The following STK32C variants were observed in gnomAD, a reference collection of about 807,000 sequenced individuals.
The protein encoded by STK32C is serine/threonine-protein kinase 32C.
Under a neutral mutation model 56.5 loss-of-function variants are expected in STK32C, and 31 were observed. That is an observed-to-expected ratio of 0.55 (90% CI 0.41 to 0.74). The LOEUF (loss-of-function observed/expected upper bound fraction) is 0.74, where lower values mean the gene tolerates loss of function less well. Ranked by LOEUF, STK32C falls within the 30% of genes least tolerant of loss-of-function variation. STK32C has a pLI of 0.00. For synonymous variants in STK32C, 309 were observed against 289.4 expected (o/e 1.07, Z -0.69); for missense variants, 544 against 676.9 (o/e 0.80, Z 2.18).
chr10:132,240,825 G>A (rs935718405), intron 2 of STK32C, among the ~76,000 whole-genome samples: 1 of 152,054 alleles, frequency 6.6e-6, no homozygotes, highest in Admixed American at 6.5e-5. Flanking sequence ...GGGCGGGGCT[G>A]CACCCAACTG....
At chr10:132,280,679 C>G (rs576707851) in intron 1 of STK32C, among the ~76,000 whole-genome samples, 1 of 90,092 alleles carries the variant, frequency 1.1e-5, no homozygotes, top group Non-Finnish European at 2.9e-5. Context: ...TCCGTGATCA[C>G]GCACCTCCAC....
Position 132,222,786 on chromosome 10 carries a change from G to A in STK32C, c.1120-14C>T, listed in dbSNP as rs1441195381. The A allele has an allele frequency of 1.3e-6, 2 of 1,596,168 alleles. No homozygotes were observed. The highest frequency in any genetic ancestry group is 3.5e-5 in the Admixed American group (2 of 57,336). ...CAGACGGCCTTTCTACAGAGGGATG[G>A]GTGCTGAGCCCCGGCCCGTGGAGGA... On this transcript the variant is annotated splice_polypyrimidine_tract_variant and intron_variant, in intron 9 of 11. Coordinates refer to ENST00000298630, the MANE Select transcript of STK32C (RefSeq NM_173575.4).
chr10:132,264,653 T>G (rs1184282135), intron 1 of STK32C, among the ~76,000 whole-genome samples: 1 of 152,142 alleles, frequency 6.6e-6, no homozygotes, highest in African/African-American at 2.4e-5. Flanking sequence ...GGGGCATGGA[T>G]GCAGGGAGGG....
intron 1 of STK32C, chr10:132,330,628 C>T (rs918272793): frequency 3.1e-5 from 21 of 675,568 alleles, no homozygotes; most frequent in South Asian, 2.3e-4. Context: ...TTGCCTCACC[C>T]TCCCACACAG....
At chr10:132,229,795 C>A (rs564270395) in intron 2 of STK32C, among the ~76,000 whole-genome samples, 29 of 152,360 alleles carry the variant, frequency 1.9e-4, no homozygotes, top group African/African-American at 6.5e-4. Context: ...GTGCACAGAG[C>A]ACCGGGCTGG....
At chr10:132,233,278 G>C (rs1187178804) in intron 2 of STK32C, among the ~76,000 whole-genome samples, 1 of 152,100 alleles carries the variant, frequency 6.6e-6, no homozygotes, top group African/African-American at 2.4e-5. Context: ...AGGCAGAACC[G>C]GGCTCCCGTG....
intron 1 of STK32C, among the ~76,000 whole-genome samples, chr10:132,277,347 C>T (rs984103869): frequency 2.0e-5 from 3 of 152,266 alleles, no homozygotes; most frequent in African/African-American, 7.2e-5. Flanking sequence ...TCCAGCCCAC[C>T]ATTCCTGTGC....
At position 132,226,692 on chromosome 10, in the gene STK32C, AC is replaced by A. The variant is rs1464700937; in HGVS notation, c.644+102del. 3 of 1,396,926 alleles carry A rather than the reference AC, an allele frequency of 2.1e-6. No individual in the cohort carries two copies. In the African/African-American group the frequency reaches 4.2e-5, roughly 20 times the overall value. 86.5% of individuals were successfully genotyped at this position (1,396,926 alleles called of 1,614,324 possible). On this transcript the variant is annotated intron_variant, in intron 4 of 11. Coordinates refer to ENST00000298630, the MANE Select transcript of STK32C (RefSeq NM_173575.4). ...GGCAAGGGTGGGGCAGAGGAGCTAGACCCGCTCTGAGGGAGTACGGCCGCCG... is the reference window on the plus strand; with the variant it reads ...GGCAAGGGTGGGGCAGAGGAGCTAGACCGCTCTGAGGGAGTACGGCCGCCG...
In STK32C at chr10:132,225,578, T is replaced by C; in HGVS notation, c.721A>G (p.Ile241Val). Residue 241 changes from isoleucine to valine, a missense_variant, in exon 6 of 12, where the codon ATC becomes GTC. Coordinates refer to ENST00000298630, the MANE Select transcript of STK32C (RefSeq NM_173575.4). Reference sequence around the variant, plus strand: ...GCCGTCGCCCGCTCCCCGTCCTTGATGATGGTGGCAATGTTGAAGTCGGTC... The same window carrying C: ...GCCGTCGCCCGCTCCCCGTCCTTGACGATGGTGGCAATGTTGAAGTCGGTC... ...HLTDFNIATI[I>V]KDGERATALA... The C allele has an allele frequency of 6.2e-7, 1 of 1,613,868 alleles. No homozygotes were observed. The highest frequency in any genetic ancestry group is 8.5e-7 in the Non-Finnish European group (1 of 1,179,942).
intron 1 of STK32C, among the ~76,000 whole-genome samples, chr10:132,250,622 T>G (rs1175492823): frequency 1.4e-5 from 2 of 146,700 alleles, no homozygotes; most frequent in Admixed American, 1.3e-4. Context: ...CCGAGGCAGG[T>G]GGGTGTGAGG....
In STK32C at chr10:132,324,335, C is replaced by G. The variant is rs1264901231; in HGVS notation, c.340G>C (p.Gly114Arg). ...TCTTTCCACACCATTCCACATCTTC[C>G]TGGCAAAATCCCAGTCCTGGGGTGT... Residue 114 changes from glycine (G) to arginine (R), a missense_variant, in exon 2 of 2, where the codon GGA (glycine) becomes CGA (arginine). Physicochemically the swap from Gly to Arg is moderately radical, Grantham distance 125. Transcript: ENST00000368619. 3.8e-6 allele frequency: 3 copies of G among 779,594 alleles called. No homozygotes were observed. The South Asian group carries it at 4.0e-5, about 10-fold the overall frequency. The allele number at this position is 779,594 out of a possible 1,614,324, so 48.3% of individuals were successfully genotyped here.
intron 8 of STK32C, among the ~76,000 whole-genome samples, chr10:132,223,918 C>T (rs1403427636): frequency 6.6e-6 from 1 of 152,182 alleles, no homozygotes; most frequent in Non-Finnish European, 1.5e-5. Flanking sequence ...ATGGCCACAC[C>T]CCTGCCCGTG....
At chr10:132,275,739 C>G (rs2064977057) in intron 1 of STK32C, among the ~76,000 whole-genome samples, 1 of 152,190 alleles carries the variant, frequency 6.6e-6, no homozygotes, top group Non-Finnish European at 1.5e-5. Flanking sequence ...GCTCCAGGGT[C>G]TGCCTTCCTG....
intron 2 of STK32C, among the ~76,000 whole-genome samples, chr10:132,243,965 G>A (rs2063596543): frequency 6.6e-6 from 1 of 152,186 alleles, no homozygotes; most frequent in South Asian, 2.1e-4. Flanking sequence ...GGGGTGGCTG[G>A]GGCCCCTGCT....
chr10:132,286,384 A>G (rs977308550), intron 1 of STK32C, among the ~76,000 whole-genome samples: 1 of 152,196 alleles, frequency 6.6e-6, no homozygotes, highest in Non-Finnish European at 1.5e-5. Flanking sequence ...ACCTTACACA[A>G]ACTTTTCCAG....
At chr10:132,274,493 T>C in intron 1 of STK32C, among the ~76,000 whole-genome samples, 1 of 152,206 alleles carries the variant, frequency 6.6e-6, no homozygotes, top group East Asian at 1.9e-4. Context: ...CACAGTTGTT[T>C]TGCAGGAAAT....
chr10:132,304,874 CAGGG>C (rs773237740), intron 1 of STK32C, among the ~76,000 whole-genome samples: 44 of 152,234 alleles, frequency 2.9e-4, no homozygotes, highest in Non-Finnish European at 5.9e-4. Flanking sequence ...CAAAGCCCCT[CAGGG>C]AGGAGCTACT....
At chr10:132,233,964 C>T (rs919338217) in intron 2 of STK32C, among the ~76,000 whole-genome samples, 2 of 152,206 alleles carry the variant, frequency 1.3e-5, no homozygotes, top group Non-Finnish European at 2.9e-5. Flanking sequence ...TCTGAGTCCT[C>T]GCCACTGTGG....
chr10:132,227,350 C>T (rs950898580), intron 3 of STK32C, among the ~76,000 whole-genome samples: 6 of 152,222 alleles, frequency 3.9e-5, no homozygotes, highest in Non-Finnish European at 5.9e-5. Context: ...CGTGTAGGTA[C>T]CACTCTTGAC....
Sources: allele counts gnomAD v4.1 joint callset (sites outside exome capture counted in the v4.1 genomes callset), GRCh38; gene constraint gnomAD v4.1.1; transcripts MANE v1.5; gene names NCBI Gene and HGNC (gene_info 2026-07-23, HGNC 2026-07-21).